GPC6: variants seen among roughly 807,000 people sequenced by gnomAD.
The protein encoded by GPC6 is glypican 6, also known as glypican-6.
A neutral mutation model predicts 55.2 loss-of-function variants in GPC6; 14 were observed. The ratio of observed to expected loss-of-function variants is 0.25; its 90% confidence interval spans 0.17 to 0.40. GPC6 has a LOEUF of 0.40. Ranked by LOEUF, GPC6 falls within the 10% of genes least tolerant of loss-of-function variation. The pLI, the probability that GPC6 is intolerant of heterozygous loss-of-function variation, is 1.00. For missense variants in GPC6, 641 were observed against 708.5 expected (o/e 0.90, Z 1.08); for synonymous variants, 278 against 259.6 (o/e 1.07, Z -0.68).
intron 2 of GPC6, among the ~76,000 whole-genome samples, chr13:93,798,143 C>G (rs1331988685): frequency 6.6e-6 from 1 of 152,050 alleles, no homozygotes; most frequent in Non-Finnish European, 1.5e-5. Flanking sequence ...ATGGCAAGGT[C>G]TAGGGTGTGA....
intron 3 of GPC6, among the ~76,000 whole-genome samples, chr13:93,855,941 TCAGATA>T (rs1888593697): frequency 6.6e-6 from 1 of 151,684 alleles, no homozygotes; most frequent in Non-Finnish European, 1.5e-5. Context: ...CAGTATTTTA[TCAGATA>T]TGCCTACTGC....
intron 2 of GPC6, among the ~76,000 whole-genome samples, chr13:93,578,735 A>T: frequency 6.8e-6 from 1 of 146,492 alleles, no homozygotes. Flanking sequence ...TTTCTGTTTG[A>T]CTTTTTCTTG....
rs1000584741 is a variant in GPC6, at chr13:93,886,010, G to A, written c.711+55465G>A. Among the ~76,000 whole-genome samples the A allele has an allele frequency of 7.9e-5, 12 of 152,028 alleles. No individual in the cohort carries two copies. In the South Asian group the frequency reaches 8.3e-4, roughly 11 times the overall value. On this transcript the variant is annotated intron_variant, in intron 3 of 8. Transcript: ENST00000377047. ...TTTATTTCATTTAGGAGAACATATA[G>A]AAGGCTCTGCACAGTTATTTTAATT...
intron 1 of GPC6, among the ~76,000 whole-genome samples, chr13:93,510,241 G>T (rs1181455356): frequency 6.6e-6 from 1 of 151,994 alleles, no homozygotes; most frequent in Non-Finnish European, 1.5e-5. Context: ...ACCCTAGTCT[G>T]CTATCAAACA....
intron 1 of GPC6, among the ~76,000 whole-genome samples, chr13:93,328,215 A>G (rs1252595177): frequency 6.6e-6 from 1 of 152,184 alleles, no homozygotes; most frequent in East Asian, 1.9e-4. Flanking sequence ...CTGCTCATGT[A>G]CTATACTTGT....
intron 6 of GPC6, among the ~76,000 whole-genome samples, chr13:94,355,659 G>C (rs1280006252): frequency 6.6e-6 from 1 of 152,164 alleles, no homozygotes; most frequent in East Asian, 1.9e-4. Context: ...ATTATCAGTT[G>C]CTACCTTCTC....
intron 1 of GPC6, among the ~76,000 whole-genome samples, chr13:93,537,293 T>C (rs764913197): frequency 4.6e-5 from 7 of 152,242 alleles, no homozygotes; most frequent in Admixed American, 1.3e-4. Flanking sequence ...CACCTTCCAA[T>C]AGATGGATAG....
At chr13:94,045,362 A>G (rs1298474548) in intron 4 of GPC6, among the ~76,000 whole-genome samples, 1 of 151,936 alleles carries the variant, frequency 6.6e-6, no homozygotes, top group East Asian at 1.9e-4. Context: ...GCTAACGTTT[A>G]TATAATTTAG....
chr13:93,520,545 A>ATT (rs1881374319), intron 1 of GPC6, among the ~76,000 whole-genome samples: 2 of 149,376 alleles, frequency 1.3e-5, no homozygotes, highest in South Asian at 2.1e-4. Flanking sequence ...TAGACTTTAA[A>ATT]AAAAAAAAAC....
intron 1 of GPC6, among the ~76,000 whole-genome samples, chr13:93,277,665 A>C (rs191387000): frequency 6.6e-6 from 1 of 152,314 alleles, no homozygotes; most frequent in Admixed American, 6.5e-5. Flanking sequence ...TGTTTTTTTC[A>C]CATTCAATTT....
At chr13:94,038,293 G>T (rs546523649) in intron 4 of GPC6, among the ~76,000 whole-genome samples, 1 of 151,826 alleles carries the variant, frequency 6.6e-6, no homozygotes, top group African/African-American at 2.4e-5. Context: ...GCTTGACATG[G>T]CTCAACCTCT....
Position 94,027,867 on chromosome 13 carries a change from C to A in GPC6, c.850C>A (p.Leu284Ile), listed in dbSNP as rs1882962678. 2.5e-6 allele frequency: 4 copies of A among 1,613,954 alleles called. No homozygotes were observed. The highest frequency in any genetic ancestry group is 3.3e-5 in the Admixed American group (2 of 59,984). Reference sequence around the variant, plus strand: ...GGGCTGCTTGGCAAATCAGGCTGACCTCGACACAGAGTGGAATCTGTTTAT... The same window carrying A: ...GGGCTGCTTGGCAAATCAGGCTGACATCGACACAGAGTGGAATCTGTTTAT... ...MKGCLANQAD[L>I]DTEWNLFIDA... The change falls in exon 4 of 9, where the codon CTC becomes ATC. Residue 284 changes from leucine (L) to isoleucine (I), a missense_variant. By Grantham distance (5) the Leu-to-Ile change is conservative. Coordinates refer to ENST00000377047, the MANE Select transcript of GPC6 (RefSeq NM_005708.5).
chr13:93,405,539 T>C (rs2762091), intron 1 of GPC6, among the ~76,000 whole-genome samples: 111,122 of 152,130 alleles, frequency 0.73, 40,835 homozygotes, highest in East Asian at 0.84. Flanking sequence ...CTTTTATCAT[T>C]TTGTCCGTGC....
intron 1 of GPC6, among the ~76,000 whole-genome samples, chr13:93,495,782 C>T (rs1377662588): frequency 3.5e-5 from 5 of 143,296 alleles, no homozygotes; most frequent in Admixed American, 2.1e-4. Context: ...AATACCCTGC[C>T]GTGTGAGGTG....
chr13:93,649,621 A>G (rs1235816330), intron 2 of GPC6, among the ~76,000 whole-genome samples: 1 of 152,084 alleles, frequency 6.6e-6, no homozygotes, highest in Non-Finnish European at 1.5e-5. Flanking sequence ...CAATACTCAG[A>G]CTCTTAGGCC....
intron 2 of GPC6, among the ~76,000 whole-genome samples, chr13:93,579,213 G>C (rs781004681): frequency 7.2e-5 from 11 of 152,030 alleles, no homozygotes; most frequent in Non-Finnish European, 1.5e-4. Flanking sequence ...TACTACTCTA[G>C]TGTACATTTC....
At chr13:93,952,809 A>G (rs1879312171) in intron 3 of GPC6, among the ~76,000 whole-genome samples, 1 of 147,354 alleles carries the variant, frequency 6.8e-6, no homozygotes. Flanking sequence ...ATATAGGTAT[A>G]CACACACACA....
chr13:93,790,809 G>T (rs1204835394), intron 2 of GPC6, among the ~76,000 whole-genome samples: 1 of 152,180 alleles, frequency 6.6e-6, no homozygotes. Flanking sequence ...AGGTACAGAG[G>T]ATGGAGAAGT....
chr13:93,231,396 T>TATATATATATAC (rs1491170403), intron 1 of GPC6, among the ~76,000 whole-genome samples: 1 of 27,082 alleles, frequency 3.7e-5, no homozygotes, highest in African/African-American at 1.8e-4. Context: ...TATATATATA[T>TATATATATATAC]GTATATATAT....
Sources: allele counts gnomAD v4.1 joint callset (sites outside exome capture counted in the v4.1 genomes callset), GRCh38; gene constraint gnomAD v4.1.1; transcripts MANE v1.5; gene names NCBI Gene and HGNC (gene_info 2026-07-23, HGNC 2026-07-21).